Variants in ACAD8 observed in about 807,000 individuals in gnomAD.
The protein encoded by ACAD8 is acyl-CoA dehydrogenase family member 8, also known as isobutyryl-CoA dehydrogenase, mitochondrial.
Under a neutral mutation model 53.1 loss-of-function variants are expected in ACAD8, and 47 were observed. The observed-to-expected ratio is 0.89, with a 90% CI of 0.70 to 1.13. ACAD8 has a LOEUF of 1.13. ACAD8 is among the 50% of genes most tolerant of loss of function. ACAD8 has a pLI of 0.00. For synonymous variants in ACAD8, 198 were observed against 201.3 expected, an observed-to-expected ratio of 0.98 and a Z score of 0.14; for missense variants, 494 against 535.0, an observed-to-expected ratio of 0.92 and a Z score of 0.76.
intron 9 of ACAD8, chr11:134,262,294 C>A: frequency 1.5e-6 from 1 of 666,598 alleles, no homozygotes; most frequent in Non-Finnish European, 2.8e-6. Context: ...GGGAGAGGGG[C>A]AGAGGGCTTT....
At position 134,265,141 on chromosome 11, in the gene ACAD8, C is replaced by T; in HGVS notation, c.*181C>T. On this transcript the variant is annotated 3_prime_UTR_variant, in exon 11 of 11. Coordinates refer to ENST00000281182, the MANE Select transcript of ACAD8 (RefSeq NM_014384.3). ...GGGTCTTGGACTGGGGCAGAATCCCCAGTGGAACCGGAAGAGCTGGACTGA... is the reference window on the plus strand; with the variant it reads ...GGGTCTTGGACTGGGGCAGAATCCCTAGTGGAACCGGAAGAGCTGGACTGA... 1 of 663,742 alleles carries T rather than the reference C, an allele frequency of 1.5e-6. No homozygotes were observed. Among genetic ancestry groups the T allele is most frequent in the Admixed American group, 2.5e-5 (1 of 40,686 alleles). The allele number at this position is 663,742 out of a possible 1,614,324, so 41.1% of individuals were successfully genotyped here.
chr11:134,262,769 G>A, intron 10 of ACAD8, 147 bp downstream of exon 10: 1 of 1,501,930 alleles, frequency 6.7e-7, no homozygotes, highest in Non-Finnish European at 8.9e-7. Context: ...CCGTTCCGCA[G>A]AGCTGTTCTG....
intron 1 of ACAD8, 27 bp downstream of exon 1, chr11:134,253,736 A>G: frequency 6.4e-7 from 1 of 1,563,970 alleles, no homozygotes; most frequent in Non-Finnish European, 8.7e-7. Context: ...GGGCAGTAGG[A>G]CAGGTGTCCA....
At chr11:134,254,401 A>C (rs73043929) in intron 1 of ACAD8, among the ~76,000 whole-genome samples, 19 of 152,348 alleles carry the variant, frequency 1.2e-4, no homozygotes, top group Admixed American at 6.5e-4. Context: ...GGCTCTGAAC[A>C]GTAATTTGAA....
chr11:134,263,452 G>C (rs1036930908), intron 10 of ACAD8: 1 of 983,750 alleles, frequency 1.0e-6, no homozygotes, highest in Non-Finnish European at 1.2e-6. Context: ...CTGGGAATTT[G>C]TATCTGCAAC....
intron 4 of ACAD8, 160 bp from the exon 5 acceptor site, chr11:134,258,848 C>T: frequency 1.3e-6 from 1 of 767,834 alleles, no homozygotes; most frequent in Non-Finnish European, 2.3e-6. Flanking sequence ...GCAGTTTCCA[C>T]CAAGTACAGA....
At position 134,256,571 on chromosome 11, in the gene ACAD8, CA is replaced by C. The variant is rs758148514; in HGVS notation, c.134del (p.Gln45ArgfsTer33). Reference protein sequence around the residue: ...IDPSMGLNEEQKEFQKVAFDF... With the variant: ...IDPSMGLNEEXKEFQKVAFDF... Reference sequence around the variant, plus strand: ...AGCTTCCATGGGACTTAATGAAGAGCAGAAAGAATTTCAAAAAGTGGCCTTT... The same window carrying C: ...AGCTTCCATGGGACTTAATGAAGAGCGAAAGAATTTCAAAAAGTGGCCTTT... On this transcript the variant is annotated frameshift_variant, in exon 2 of 11. Transcript: ENST00000281182. LOFTEE classifies it high-confidence loss of function. 1 of 1,614,186 alleles carries C rather than the reference CA, an allele frequency of 6.2e-7. No individual in the cohort carries two copies. Among genetic ancestry groups the C allele is most frequent in the Non-Finnish European group, 8.5e-7 (1 of 1,180,014 alleles).
At chr11:134,258,174 A>G (rs1156339536) in intron 3 of ACAD8, 1 of 363,482 alleles carries the variant, frequency 2.8e-6, no homozygotes, top group Non-Finnish European at 5.3e-6. Flanking sequence ...CCTCAATCCA[A>G]AGATGGAACT....
chr11:134,264,761 T>C, intron 10 of ACAD8, 147 bp from the exon 11 acceptor site: 1 of 783,578 alleles, frequency 1.3e-6, no homozygotes, highest in Non-Finnish European at 2.3e-6. Flanking sequence ...AAGTCTCTGA[T>C]AATCTCATCT....
At position 134,258,503 on chromosome 11, in the gene ACAD8, T is replaced by C. The variant is rs1176616189; in HGVS notation, c.381-12T>C. The C allele has an allele frequency of 5.7e-6, 9 of 1,583,036 alleles. No individual in the cohort carries two copies. The highest frequency in any genetic ancestry group is 1.3e-5 in the African/African-American group (1 of 74,288). ...TTCTGTCATTGTCTTTTCTTCTTGG[T>C]GTACCTATCAGCATGTGTGCCTGGA... is the stretch of plus-strand genomic sequence containing the variant. On this transcript the variant is annotated splice_polypyrimidine_tract_variant and intron_variant, in intron 3 of 10. Coordinates refer to ENST00000281182, the MANE Select transcript of ACAD8 (RefSeq NM_014384.3).
chr11:134,258,723 C>T, intron 4 of ACAD8, 99 bp downstream of exon 4: 1 of 911,976 alleles, frequency 1.1e-6, no homozygotes, highest in East Asian at 2.6e-5. Context: ...CATGTCGAGC[C>T]ACTGTTTATC....
At chr11:134,264,205 C>A in intron 10 of ACAD8, 1 of 265,438 alleles carries the variant, frequency 3.8e-6, no homozygotes, top group Non-Finnish European at 5.8e-6. Flanking sequence ...GTTAGCTGGG[C>A]GTGGTGGTGC....
Position 134,265,680 on chromosome 11 carries a change from C to G in ACAD8, c.*720C>G, listed in dbSNP as rs1940134617. On this transcript the variant is annotated 3_prime_UTR_variant, in exon 11 of 11. Transcript: ENST00000281182. ...AATATTTTTTTTGTGTTTTTGTTTCCTTTTCTGAAGCTGTTCCTCCTTTTA... is the reference window on the plus strand; with the variant it reads ...AATATTTTTTTTGTGTTTTTGTTTCGTTTTCTGAAGCTGTTCCTCCTTTTA... The G allele has an allele frequency of 6.6e-6, 1 of 151,998 alleles. No individual in the cohort carries two copies. Among genetic ancestry groups the G allele is most frequent in the Non-Finnish European group, 1.5e-5 (1 of 68,012 alleles). 9.4% of individuals were successfully genotyped at this position (151,998 alleles called of 1,614,324 possible).
intron 5 of ACAD8, 175 bp downstream of exon 5, chr11:134,259,259 C>G: frequency 1.4e-6 from 1 of 726,488 alleles, no homozygotes; most frequent in East Asian, 2.7e-5. Flanking sequence ...CTCTCCTAAT[C>G]TGATTCCAGA....
rs756037622 is a variant in ACAD8 at position 134,261,729 on chromosome 11, G to T, written c.940-9G>T. On this transcript the variant is annotated splice_polypyrimidine_tract_variant and intron_variant, in intron 8 of 10. Coordinates refer to ENST00000281182, the MANE Select transcript of ACAD8 (RefSeq NM_014384.3). This position sits in a 1 kb window ranked among gnomAD's most constrained non-coding sequence, Gnocchi z 4.2. ...AGTCTTGTCTGGTTCTCTGCTCCCT[G>T]TGCTGCAGTACTTGCAATTCACACT... 2.5e-6 allele frequency: 4 copies of T among 1,613,338 alleles called. No individual in the cohort carries two copies. In the South Asian group the frequency reaches 4.4e-5, roughly 18 times the overall value.
In ACAD8 at chr11:134,262,825, G is replaced by C; in HGVS notation, c.1195+203G>C. Reference sequence around the variant, plus strand: ...GCCGCAGCTTCGTCCCTTTCGGGGGGCCTCAGATCGCTCTGCTGCTGCCCT... The same window carrying C: ...GCCGCAGCTTCGTCCCTTTCGGGGGCCCTCAGATCGCTCTGCTGCTGCCCT... On this transcript the variant is annotated intron_variant, in intron 10 of 10. Coordinates refer to ENST00000281182, the MANE Select transcript of ACAD8 (RefSeq NM_014384.3). 2.1e-6 allele frequency: 3 copies of C among 1,455,576 alleles called. 1 individual carries two copies. The South Asian group carries it at 3.6e-5, about 18-fold the overall frequency. 90.2% of individuals were successfully genotyped at this position (1,455,576 alleles called of 1,614,324 possible).
At position 134,265,040 on chromosome 11, in the gene ACAD8, A is replaced by G. The variant is rs1940107765; in HGVS notation, c.*80A>G. On this transcript the variant is annotated 3_prime_UTR_variant, in exon 11 of 11. Coordinates refer to ENST00000281182, the MANE Select transcript of ACAD8 (RefSeq NM_014384.3). ...GTGCCATGTGGGCCGCTCTATTCCA[A>G]AGGAATCATGGATTAGACCCAAGGG... 1.4e-6 allele frequency: 2 copies of G among 1,477,630 alleles called. No individual in the cohort carries two copies. The highest frequency in any genetic ancestry group is 1.1e-5 in the South Asian group (1 of 88,288). 91.5% of individuals were successfully genotyped at this position (1,477,630 alleles called of 1,614,324 possible).
chr11:134,261,956 A>G lies in ACAD8; in HGVS notation c.1092+66A>G. On this transcript the variant is annotated intron_variant, in intron 9 of 10. Coordinates refer to ENST00000281182, the MANE Select transcript of ACAD8 (RefSeq NM_014384.3). This position sits in a 1 kb window ranked among gnomAD's most constrained non-coding sequence, Gnocchi z 4.2. ...AGCTGCTAGGCCCAGGGGTCTTGAG[A>G]GACATGAGTCAGATTTGGAACCCAG... is the stretch of plus-strand genomic sequence containing the variant. 6.3e-7 allele frequency: 1 copy of G among 1,588,942 alleles called. No individual in the cohort carries two copies. The highest frequency in any genetic ancestry group is 8.6e-7 in the Non-Finnish European group (1 of 1,165,942).
intron 1 of ACAD8, among the ~76,000 whole-genome samples, chr11:134,255,965 G>A (rs569462836): frequency 7.9e-5 from 12 of 152,298 alleles, no homozygotes; most frequent in Admixed American, 2.0e-4. Flanking sequence ...GAGTGCAATG[G>A]CACAATCTCA....
Sources: gnomAD v4.1 joint callset for allele counts (sites outside exome capture counted in the v4.1 genomes callset) on GRCh38, gnomAD v4.1.1 for gene constraint, Gnocchi (gnomAD v3.1) non-coding constraint, MANE v1.5 for transcripts, NCBI Gene and HGNC (gene_info 2026-07-23, HGNC 2026-07-21) for gene names.